The following NECAB1 variants were observed in gnomAD, a reference collection of about 807,000 sequenced individuals.
The protein encoded by NECAB1 is N-terminal EF-hand calcium-binding protein 1.
A neutral mutation model predicts 57.5 loss-of-function variants in NECAB1; 29 were observed. That is an observed-to-expected ratio of 0.50 (90% CI 0.38 to 0.69). The LOEUF is 0.69. NECAB1 is among the 30% of genes least tolerant of loss of function. The pLI is 0.00. For synonymous variants in NECAB1, 142 were observed against 147.7 expected (o/e 0.96, Z 0.28); for missense variants, 372 against 413.8 (o/e 0.90, Z 0.88).
chr8:90,946,007 A>G (rs2130257354), intron 10 of NECAB1, among the ~76,000 whole-genome samples: 1 of 152,366 alleles, frequency 6.6e-6, no homozygotes, highest in South Asian at 2.1e-4. Context: ...AAAGCTAATC[A>G]TTCAAGCCCT....
chr8:90,808,640 CTTTTTTT>C lies in NECAB1; in HGVS notation c.124+6942_124+6948del, dbSNP rs200075536. ...TTCATCCTAATCCTTTTTTTCTTTT[CTTTTTTT>C]TTTTTTTTTTTTTTTTGAGATGGAA... On this transcript the variant is annotated intron_variant, in intron 2 of 12. Transcript: ENST00000417640. Among the ~76,000 whole-genome samples, 200 of 81,288 alleles carry C rather than the reference CTTTTTTT, an allele frequency of 2.5e-3. 1 individual carries two copies. In the Middle Eastern group the frequency reaches 0.059, roughly 24 times the overall value. 53.3% of individuals were successfully genotyped at this position (81,288 alleles called of 152,430 possible).
In NECAB1 at chr8:90,898,098, A is replaced by C. The variant is rs376251864; in HGVS notation, c.357+16968A>C. Among the ~76,000 whole-genome samples the C allele has an allele frequency of 1.2e-4, 19 of 152,260 alleles. No homozygotes were observed. In the East Asian group the frequency reaches 1.5e-3, roughly 12 times the overall value. ...ATGACCTCAAATTTGTTCCTTGCCT[A>C]TAGAACATCTCTGTAATCAAATTAC... On this transcript the variant is annotated intron_variant, in intron 5 of 12. Transcript: ENST00000417640.
rs891530591 is a variant in NECAB1, at chr8:90,957,858, A to T, written c.*2346A>T. ...AAAAAAATTTAAAAAATTAAAAAATAAAAAAAAGAGGTCACTAAAAGACCA... is the reference window on the plus strand; with the variant it reads ...AAAAAAATTTAAAAAATTAAAAAATTAAAAAAAGAGGTCACTAAAAGACCA... On this transcript the variant is annotated 3_prime_UTR_variant, in exon 13 of 13. Coordinates refer to ENST00000417640, the MANE Select transcript of NECAB1 (RefSeq NM_022351.5). 3 of 150,528 alleles carry T rather than the reference A, an allele frequency of 2.0e-5. No homozygotes were observed. The highest frequency in any genetic ancestry group is 1.3e-4 in the Admixed American group (2 of 15,084). The allele number at this position is 150,528 out of a possible 1,614,324, so 9.3% of individuals were successfully genotyped here.
intron 3 of NECAB1, among the ~76,000 whole-genome samples, chr8:90,834,408 A>C (rs1258378987): frequency 6.6e-6 from 1 of 152,186 alleles, no homozygotes; most frequent in Admixed American, 6.5e-5. Flanking sequence ...CTAGGTCATA[A>C]GGATTCCACC....
intron 2 of NECAB1, among the ~76,000 whole-genome samples, chr8:90,812,477 G>A (rs1315500473): frequency 6.6e-6 from 1 of 152,048 alleles, no homozygotes; most frequent in Admixed American, 6.6e-5. Flanking sequence ...TTCTAGCCAC[G>A]AAAACTAATA....
chr8:90,934,769 C>T (rs1459463086), intron 9 of NECAB1, among the ~76,000 whole-genome samples: 1 of 152,080 alleles, frequency 6.6e-6, no homozygotes, highest in Non-Finnish European at 1.5e-5. Flanking sequence ...GGGCCAGGCA[C>T]ATTGAAAATG....
chr8:90,917,337 G>A (rs979886481), intron 5 of NECAB1, among the ~76,000 whole-genome samples, 155 bp from the exon 6 acceptor site: 1 of 151,772 alleles, frequency 6.6e-6, no homozygotes, highest in Non-Finnish European at 1.5e-5. Flanking sequence ...GAGTGATGCT[G>A]TAGCCTCCAG....
rs184299129 is a variant in NECAB1 at position 90,801,660 on chromosome 8, C to T, written c.100-31C>T. The T allele has an allele frequency of 8.6e-4, 1,253 of 1,458,384 alleles. 8 individuals are homozygous for T. The African/African-American group carries it at 0.016, about 18-fold the overall frequency. The allele number at this position is 1,458,384 out of a possible 1,614,324, so 90.3% of individuals were successfully genotyped here. A position where few individuals can be genotyped will look rare whatever the true frequency, so the allele number is the denominator to read the frequency against. ...TTCGTTGCAATATTTATCTAAAATG[C>T]TGATAAAATTTTTTCCTTTTTCCTT... On this transcript the variant is annotated intron_variant, in intron 1 of 12. Transcript: ENST00000417640.
intron 12 of NECAB1, among the ~76,000 whole-genome samples, chr8:90,953,245 G>A (rs57511894): frequency 0.025 from 3,876 of 152,244 alleles, 175 homozygotes; most frequent in African/African-American, 0.088. Flanking sequence ...GGGGGAAAAT[G>A]CTATAGCAAG....
chr8:90,940,707 A>T (rs1343669714), intron 9 of NECAB1, 79 bp from the exon 10 acceptor site: 3 of 1,001,184 alleles, frequency 3.0e-6, no homozygotes, highest in Non-Finnish European at 4.6e-6. Context: ...TGTGAGGAGG[A>T]ATGGGATGGG....
intron 3 of NECAB1, among the ~76,000 whole-genome samples, chr8:90,836,695 C>A (rs186592799): frequency 6.6e-6 from 1 of 152,150 alleles, no homozygotes; most frequent in African/African-American, 2.4e-5. Flanking sequence ...GACTTGACAA[C>A]CATTATTCTA....
At chr8:90,906,901 A>ATGTATATATATATG (rs1809687825) in intron 5 of NECAB1, among the ~76,000 whole-genome samples, 1 of 139,310 alleles carries the variant, frequency 7.2e-6, no homozygotes, top group African/African-American at 2.9e-5. Flanking sequence ...ATATATATAT[A>ATGTATATATATATG]TATATATATC....
At position 90,957,620 on chromosome 8, in the gene NECAB1, T is replaced by C. The variant is rs891552672; in HGVS notation, c.*2108T>C. The C allele has an allele frequency of 6.7e-6, 1 of 150,180 alleles. No individual in the cohort carries two copies. Among genetic ancestry groups the C allele is most frequent in the Non-Finnish European group, 1.5e-5 (1 of 67,450 alleles). The allele number at this position is 150,180 out of a possible 1,614,324, so 9.3% of individuals were successfully genotyped here. ...GTATGTGAATGTGTGTGAGTGTGTA[T>C]TCACATACACATATATACTGGAACC... On this transcript the variant is annotated 3_prime_UTR_variant, in exon 13 of 13. Coordinates refer to ENST00000417640, the MANE Select transcript of NECAB1 (RefSeq NM_022351.5).
chr8:90,896,474 G>A (rs1252616098), intron 5 of NECAB1, among the ~76,000 whole-genome samples: 15 of 151,850 alleles, frequency 9.9e-5, no homozygotes, highest in African/African-American at 2.9e-4. Flanking sequence ...GCGTGGTGGC[G>A]GGTGCCTGTA....
Position 90,956,943 on chromosome 8 carries a change from C to CATGT in NECAB1, c.*1431_*1432insATGT, listed in dbSNP as rs879218047. The CATGT allele has an allele frequency of 7.7e-5, 11 of 143,344 alleles. No homozygotes were observed. Among genetic ancestry groups the CATGT allele is most frequent in the African/African-American group, 2.6e-4 (10 of 38,796 alleles). The allele number at this position is 143,344 out of a possible 1,614,324, so 8.9% of individuals were successfully genotyped here. ...AATTTTGATATATTGTACATACACA[C>CATGT]GTGTGTGTGTGTGTGTGTGTGTGTG... On this transcript the variant is annotated 3_prime_UTR_variant, in exon 13 of 13. Coordinates refer to ENST00000417640, the MANE Select transcript of NECAB1 (RefSeq NM_022351.5).
chr8:90,813,701 A>T (rs1230817672), intron 2 of NECAB1, among the ~76,000 whole-genome samples: 9 of 151,794 alleles, frequency 5.9e-5, no homozygotes, highest in East Asian at 1.9e-4. Context: ...TAATTTTTAA[A>T]TTTTTTTTGT....
intron 5 of NECAB1, among the ~76,000 whole-genome samples, chr8:90,885,229 GTGGC>G (rs1213412384): frequency 2.0e-5 from 3 of 152,318 alleles, no homozygotes. Flanking sequence ...CAACAAGGTG[GTGGC>G]TAAGGTGGAT....
At chr8:90,818,509 G>A (rs1273965922) in intron 2 of NECAB1, among the ~76,000 whole-genome samples, 11 of 152,006 alleles carry the variant, frequency 7.2e-5, no homozygotes, top group African/African-American at 2.4e-4. Flanking sequence ...TATCTAGATT[G>A]TGATGTTTTC....
intron 3 of NECAB1, among the ~76,000 whole-genome samples, chr8:90,847,558 C>G (rs1030278295): frequency 6.6e-6 from 1 of 152,242 alleles, no homozygotes; most frequent in Non-Finnish European, 1.5e-5. Context: ...CCACATTTCT[C>G]TTGTGCACTG....
Sources: allele counts gnomAD v4.1 joint callset (sites outside exome capture counted in the v4.1 genomes callset), GRCh38; gene constraint gnomAD v4.1.1; transcripts MANE v1.5; gene names NCBI Gene and HGNC (gene_info 2026-07-23, HGNC 2026-07-21).